The following ABLIM2 variants were observed in gnomAD, a reference collection of about 807,000 sequenced individuals.
ABLIM2 encodes actin binding LIM protein family member 2, also known as actin-binding LIM protein 2.
ABLIM2 carries 53 observed loss-of-function variants against 97.7 expected under a neutral mutation model. That is an observed-to-expected ratio of 0.54 (90% CI 0.44 to 0.68). The LOEUF (loss-of-function observed/expected upper bound fraction) is 0.68, where lower values mean the gene tolerates loss of function less well. ABLIM2 is among the 30% of genes least tolerant of loss of function. The pLI, the probability that ABLIM2 is intolerant of heterozygous loss-of-function variation, is 0.00. For synonymous variants in ABLIM2, 361 were observed against 345.8 expected (o/e 1.04, Z -0.49); for missense variants, 835 against 867.2 (o/e 0.96, Z 0.47).
At chr4:8,088,114 C>A in intron 4 of ABLIM2, 55 bp downstream of exon 4, 1 of 499,744 alleles carries the variant, frequency 2.0e-6, no homozygotes, top group East Asian at 8.8e-5. Flanking sequence ...ACCCATTTAG[C>A]ACCCCCCACT....
intron 6 of ABLIM2, among the ~76,000 whole-genome samples, chr4:8,074,416 C>T (rs57438637): frequency 0.023 from 3,469 of 152,198 alleles, 112 homozygotes; most frequent in African/African-American, 0.073. Flanking sequence ...TTCATCACTG[C>T]GCTCCAGCCT....
Position 8,068,094 on chromosome 4 carries a change from T to C in ABLIM2, c.676-7040A>G, listed in dbSNP as rs1244984000. Reference sequence around the variant, plus strand: ...CATAGTGACTGGGGCGTCCCAGTCATCGGTACAGTGGCCACATCCTCCCAA... The same window carrying C: ...CATAGTGACTGGGGCGTCCCAGTCACCGGTACAGTGGCCACATCCTCCCAA... On this transcript the variant is annotated intron_variant, in intron 6 of 20. Coordinates refer to ENST00000447017, the MANE Select transcript of ABLIM2 (RefSeq NM_001130083.2). This position sits in a 1 kb window ranked among gnomAD's most constrained non-coding sequence, Gnocchi z 4.5. Among the ~76,000 whole-genome samples the C allele has an allele frequency of 6.6e-6, 1 of 151,294 alleles. No individual in the cohort carries two copies. The highest frequency in any genetic ancestry group is 2.5e-5 in the African/African-American group (1 of 40,712).
intron 7 of ABLIM2, among the ~76,000 whole-genome samples, chr4:8,056,366 A>G (rs1799165602): frequency 6.7e-6 from 1 of 150,326 alleles, no homozygotes; most frequent in Non-Finnish European, 1.5e-5. Flanking sequence ...AGTGGTGCAA[A>G]TATAGCTCAC....
chr4:7,981,253 C>G (rs137919386), intron 20 of ABLIM2, among the ~76,000 whole-genome samples: 88 of 152,170 alleles, frequency 5.8e-4, no homozygotes, highest in African/African-American at 2.1e-3. Flanking sequence ...CAAACAACCC[C>G]TTGTCTTAAC....
chr4:8,006,211 A>G (rs1341597053), intron 16 of ABLIM2, among the ~76,000 whole-genome samples: 1 of 152,200 alleles, frequency 6.6e-6, no homozygotes, highest in African/African-American at 2.4e-5. Context: ...CAGGTCACAG[A>G]GAGTATCAGG....
chr4:8,032,789 C>T lies in ABLIM2; in HGVS notation c.1048-3013G>A. The T allele has an allele frequency of 8.9e-7, 1 of 1,126,412 alleles. No homozygotes were observed. The highest frequency in any genetic ancestry group is 1.9e-4 in the Middle Eastern group (1 of 5,138). The allele number at this position is 1,126,412 out of a possible 1,614,324, so 69.8% of individuals were successfully genotyped here. A position where few individuals can be genotyped will look rare whatever the true frequency, so the allele number is the denominator to read the frequency against. The stretch of plus-strand genomic sequence containing the variant: ...ACAGGCGCAAACACCCACACAGAGC[C>T]CTGATCCTCCAGACAGGAAAAGAAC... On this transcript the variant is annotated intron_variant, in intron 10 of 20. Transcript: ENST00000447017. This position sits in a 1 kb window ranked among gnomAD's most constrained non-coding sequence, Gnocchi z 4.3.
chr4:8,118,161 G>T (rs975296594), intron 1 of ABLIM2, among the ~76,000 whole-genome samples: 5 of 152,242 alleles, frequency 3.3e-5, no homozygotes, highest in Non-Finnish European at 7.3e-5. Context: ...GTGAGACTCA[G>T]AGGCCGAGGC....
rs1042565132 is a variant in ABLIM2, at chr4:8,068,637, C to T, written c.676-7583G>A. Among the ~76,000 whole-genome samples the T allele has an allele frequency of 6.6e-5, 10 of 152,186 alleles. No homozygotes were observed. The highest frequency in any genetic ancestry group is 1.9e-4 in the African/African-American group (8 of 41,436). On this transcript the variant is annotated intron_variant, in intron 6 of 20. Coordinates refer to ENST00000447017, the MANE Select transcript of ABLIM2 (RefSeq NM_001130083.2). This position sits in a 1 kb window ranked among gnomAD's most constrained non-coding sequence, Gnocchi z 4.5. Reference sequence around the variant, plus strand: ...CCTCCCTGAATCCAACCACGGAATCCGGGTGCAAAGGCCTCCTCTGCCCAC... The same window carrying T: ...CCTCCCTGAATCCAACCACGGAATCTGGGTGCAAAGGCCTCCTCTGCCCAC...
intron 14 of ABLIM2, among the ~76,000 whole-genome samples, chr4:8,011,521 C>T (rs1018067960): frequency 3.9e-5 from 6 of 152,220 alleles, no homozygotes; most frequent in African/African-American, 1.2e-4. Context: ...ATGCCCACCC[C>T]TCCACGTTGT....
chr4:8,096,286 A>G (rs1577728744), intron 3 of ABLIM2, among the ~76,000 whole-genome samples: 1 of 152,230 alleles, frequency 6.6e-6, no homozygotes, highest in African/African-American at 2.4e-5. Flanking sequence ...CAGTGACTCC[A>G]ATGCGACCAG....
Position 8,122,283 on chromosome 4 carries a change from G to A in ABLIM2, c.11-15646C>T, listed in dbSNP as rs535966044. On this transcript the variant is annotated intron_variant, in intron 1 of 20. Coordinates refer to ENST00000447017, the MANE Select transcript of ABLIM2 (RefSeq NM_001130083.2). The surrounding 1 kb of genome is among the most constrained non-coding windows in gnomAD (Gnocchi z 4.1). ...AAGGATGGCCACAGAGAGCTGGAGAGGTCCCCCACTTTGTCCTCGGCTCCC... is the reference window on the plus strand; with the variant it reads ...AAGGATGGCCACAGAGAGCTGGAGAAGTCCCCCACTTTGTCCTCGGCTCCC... Among the ~76,000 whole-genome samples, 337 of 152,270 alleles carry A rather than the reference G, an allele frequency of 2.2e-3. 2 individuals are homozygous for A. Among genetic ancestry groups the A allele is most frequent in the African/African-American group, 7.6e-3 (315 of 41,550 alleles).
rs114428568 is a variant in ABLIM2 at position 8,092,516 on chromosome 4, T to C, written c.339-4232A>G. Among the ~76,000 whole-genome samples, 1,303 of 152,314 alleles carry C rather than the reference T, an allele frequency of 8.6e-3. 22 individuals carry two copies. Among genetic ancestry groups the C allele is most frequent in the African/African-American group, 0.03 (1,239 of 41,558 alleles). ...AAAATGTAGATTTACAGAGGGTTAG[T>C]CTTAACTGTTTCCTGGACTCCCTCT... On this transcript the variant is annotated intron_variant, in intron 3 of 20. Transcript: ENST00000447017.
Position 7,992,944 on chromosome 4 carries a change from A to G in ABLIM2, c.1619-17T>C, listed in dbSNP as rs757998895. The stretch of plus-strand genomic sequence containing the variant: ...AGGGGAATCCTGAAACAGACACAGC[A>G]CAGCTTTGTCACGCGCGCAGACTCG... On this transcript the variant is annotated splice_polypyrimidine_tract_variant and intron_variant, in intron 16 of 20. Transcript: ENST00000447017. The surrounding 1 kb of genome is among the most constrained non-coding windows in gnomAD (Gnocchi z 5.7). 18 of 1,611,394 alleles carry G rather than the reference A, an allele frequency of 1.1e-5. No individual in the cohort carries two copies. In the East Asian group the frequency reaches 3.3e-4, roughly 30 times the overall value.
chr4:8,144,196 G>A (rs1001266575), intron 1 of ABLIM2, among the ~76,000 whole-genome samples: 2 of 152,226 alleles, frequency 1.3e-5, no homozygotes, highest in Non-Finnish European at 2.9e-5. Flanking sequence ...GCCTCAGCGG[G>A]GAAGCAGCCC....
chr4:8,079,707 G>A (rs577053114), intron 5 of ABLIM2, among the ~76,000 whole-genome samples: 178 of 152,284 alleles, frequency 1.2e-3, no homozygotes, highest in African/African-American at 3.8e-3. Flanking sequence ...ATCCACCGAC[G>A]TGATTCAGGT....
intron 1 of ABLIM2, among the ~76,000 whole-genome samples, chr4:8,145,616 A>G (rs1275949231): frequency 6.6e-6 from 1 of 152,128 alleles, no homozygotes; most frequent in Admixed American, 6.5e-5. Flanking sequence ...GGGTGCTAGC[A>G]TTCCAGCTGA....
At chr4:8,137,505 T>G (rs1850356344) in intron 1 of ABLIM2, among the ~76,000 whole-genome samples, 1 of 152,074 alleles carries the variant, frequency 6.6e-6, no homozygotes, top group Non-Finnish European at 1.5e-5. Context: ...GAACCGCCTG[T>G]GCAAAGACAC....
intron 17 of ABLIM2, among the ~76,000 whole-genome samples, chr4:7,990,697 C>T (rs1002832480): frequency 1.3e-5 from 2 of 152,038 alleles, no homozygotes; most frequent in Non-Finnish European, 1.5e-5. Flanking sequence ...AGCAACAGGG[C>T]AGGGGCACGC....
chr4:8,043,636 C>T lies in ABLIM2; in HGVS notation c.900+1528G>A, dbSNP rs1482902534. Among the ~76,000 whole-genome samples, 5 of 152,138 alleles carry T rather than the reference C, an allele frequency of 3.3e-5. No homozygotes were observed. Among genetic ancestry groups the T allele is most frequent in the South Asian group, 4.1e-4 (2 of 4,828 alleles). ...GATGCAAGGAGAGGACGGCCGCCTG[C>T]GGGCCAGGGATGGGGAGCCAACCCT... is the stretch of plus-strand genomic sequence containing the variant. On this transcript the variant is annotated intron_variant, in intron 9 of 20. Transcript: ENST00000447017. This position sits in a 1 kb window ranked among gnomAD's most constrained non-coding sequence, Gnocchi z 4.8.
Sources: allele counts gnomAD v4.1 joint callset (sites outside exome capture counted in the v4.1 genomes callset), GRCh38; gene constraint gnomAD v4.1.1; non-coding constraint Gnocchi (gnomAD v3.1); transcripts MANE v1.5; gene names NCBI Gene and HGNC (gene_info 2026-07-23, HGNC 2026-07-21).